The following KCNQ3 variants were observed in gnomAD, a reference collection of about 807,000 sequenced individuals.
KCNQ3 encodes the protein potassium voltage-gated channel subfamily Q member 3, also known as potassium voltage-gated channel subfamily KQT member 3.
Under a neutral mutation model 92.5 loss-of-function variants are expected in KCNQ3, and 30 were observed. The ratio of observed to expected loss-of-function variants is 0.32; its 90% CI spans 0.24 to 0.44. KCNQ3 has a LOEUF of 0.44. KCNQ3 is among the 20% of genes least tolerant of loss of function. The probability of loss-of-function intolerance (pLI) is 1.00; values close to 1 mark genes in which losing one functional copy is unlikely to be tolerated. For missense variants in KCNQ3, 913 were observed against 1,140.3 expected (o/e 0.80, Z 2.87); for synonymous variants, 450 against 468.8 (o/e 0.96, Z 0.52).
intron 1 of KCNQ3, among the ~76,000 whole-genome samples, chr8:132,235,493 G>A (rs933780882): frequency 6.6e-5 from 10 of 151,988 alleles, no homozygotes; most frequent in Admixed American, 1.3e-4. Flanking sequence ...AGAGTGAGAC[G>A]CCATCTCAAA....
intron 1 of KCNQ3, among the ~76,000 whole-genome samples, chr8:132,241,934 G>A (rs551553321): frequency 6.6e-6 from 1 of 152,296 alleles, no homozygotes; most frequent in East Asian, 1.9e-4. Flanking sequence ...AAGTGGAATT[G>A]GACTAACTTA....
At chr8:132,435,696 AATTTAT>A (rs1257633995) in intron 1 of KCNQ3, among the ~76,000 whole-genome samples, 1 of 151,930 alleles carries the variant, frequency 6.6e-6, no homozygotes, top group African/African-American at 2.4e-5. Flanking sequence ...TCCAAATTAA[AATTTAT>A]ATTTATATTT....
intron 1 of KCNQ3, among the ~76,000 whole-genome samples, chr8:132,227,389 G>C (rs1814466015): frequency 6.6e-6 from 1 of 152,034 alleles, no homozygotes; most frequent in Admixed American, 6.5e-5. Flanking sequence ...AGGAAATCTG[G>C]AGACACAAAG....
intron 1 of KCNQ3, among the ~76,000 whole-genome samples, chr8:132,191,632 TTAATATATA>T (rs989823714): frequency 1.4e-5 from 2 of 147,410 alleles, no homozygotes; most frequent in African/African-American, 4.9e-5. Flanking sequence ...ATATATATAA[TTAATATATA>T]TAATATATAT....
chr8:132,400,450 G>A (rs182631603), intron 1 of KCNQ3, among the ~76,000 whole-genome samples: 14 of 152,340 alleles, frequency 9.2e-5, no homozygotes, highest in Admixed American at 2.0e-4. Flanking sequence ...ACTCTCAACA[G>A]CACGGCTGTG....
chr8:132,156,717 G>T (rs1825805362), intron 9 of KCNQ3, among the ~76,000 whole-genome samples: 1 of 152,116 alleles, frequency 6.6e-6, no homozygotes, highest in Non-Finnish European at 1.5e-5. Flanking sequence ...AAATTGTGTT[G>T]CCCCACACAA....
intron 1 of KCNQ3, among the ~76,000 whole-genome samples, chr8:132,319,255 G>C (rs1418472753): frequency 6.6e-6 from 1 of 152,154 alleles, no homozygotes; most frequent in African/African-American, 2.4e-5. Flanking sequence ...GGCTCAGAGA[G>C]ATTGAGTAGC....
At chr8:132,300,792 T>G (rs542102411) in intron 1 of KCNQ3, among the ~76,000 whole-genome samples, 18 of 152,294 alleles carry the variant, frequency 1.2e-4, no homozygotes, top group African/African-American at 4.3e-4. Context: ...CTCTGGCAGG[T>G]TAATTCTTTT....
At chr8:132,474,390 A>G (rs956666886) in intron 1 of KCNQ3, among the ~76,000 whole-genome samples, 1 of 152,134 alleles carries the variant, frequency 6.6e-6, no homozygotes, top group African/African-American at 2.4e-5. Context: ...GTGAACTCCA[A>G]GTCTAGCATG....
intron 1 of KCNQ3, among the ~76,000 whole-genome samples, chr8:132,211,672 G>A (rs1813858419): frequency 6.6e-6 from 1 of 151,926 alleles, no homozygotes; most frequent in Admixed American, 6.6e-5. Flanking sequence ...ATATCTTTTG[G>A]ACGGGCATGG....
At chr8:132,294,917 T>A (rs574804420) in intron 1 of KCNQ3, among the ~76,000 whole-genome samples, 30 of 152,168 alleles carry the variant, frequency 2.0e-4, no homozygotes, top group Admixed American at 1.8e-3. Flanking sequence ...AAGTCTTAAG[T>A]GTAAAACCCA....
intron 6 of KCNQ3, 120 bp downstream of exon 6, chr8:132,174,119 T>C (rs1826469772): frequency 1.3e-6 from 1 of 763,228 alleles, no homozygotes; most frequent in Non-Finnish European, 2.3e-6. Flanking sequence ...CTTAAGGGAA[T>C]GGCTAGGGAG....
chr8:132,372,178 C>T (rs1308016817), intron 1 of KCNQ3, among the ~76,000 whole-genome samples: 1 of 152,148 alleles, frequency 6.6e-6, no homozygotes, highest in Admixed American at 6.5e-5. Flanking sequence ...GGGCTTCTAA[C>T]ATCATGATTC....
intron 1 of KCNQ3, among the ~76,000 whole-genome samples, chr8:132,342,483 T>G (rs939130324): frequency 6.6e-6 from 1 of 152,168 alleles, no homozygotes; most frequent in Non-Finnish European, 1.5e-5. Flanking sequence ...CCTATGGATG[T>G]GTTTTGTTGG....
chr8:132,383,563 C>G (rs1369670762), intron 1 of KCNQ3, among the ~76,000 whole-genome samples: 3 of 152,190 alleles, frequency 2.0e-5, no homozygotes, highest in Non-Finnish European at 4.4e-5. Flanking sequence ...ATATACTTAA[C>G]AGACCTAGGC....
intron 1 of KCNQ3, among the ~76,000 whole-genome samples, chr8:132,358,241 G>T (rs1819068279): frequency 6.6e-6 from 1 of 152,222 alleles, no homozygotes; most frequent in Non-Finnish European, 1.5e-5. Flanking sequence ...GAAGAAGTGG[G>T]AGGAGCTGAA....
chr8:132,327,118 G>A (rs1361679905), intron 1 of KCNQ3, among the ~76,000 whole-genome samples: 1 of 152,138 alleles, frequency 6.6e-6, no homozygotes, highest in African/African-American at 2.4e-5. Flanking sequence ...TTCTGTCTAT[G>A]TGCAAGGCAT....
chr8:132,184,507 G>A, intron 2 of KCNQ3, 140 bp from the exon 3 acceptor site: 1 of 846,350 alleles, frequency 1.2e-6, no homozygotes, highest in Non-Finnish European at 1.9e-6. Context: ...GCTGGGGATG[G>A]GGGTGGGGAA....
chr8:132,445,209 G>C (rs561395356), intron 1 of KCNQ3, among the ~76,000 whole-genome samples: 2 of 152,138 alleles, frequency 1.3e-5, no homozygotes, highest in Non-Finnish European at 1.5e-5. Context: ...GCATTACATT[G>C]TCACATTCCT....
Sources: gnomAD v4.1 joint callset for allele counts (sites outside exome capture counted in the v4.1 genomes callset) on GRCh38, gnomAD v4.1.1 for gene constraint, MANE v1.5 for transcripts, NCBI Gene and HGNC (gene_info 2026-07-23, HGNC 2026-07-21) for gene names.